Variants in NLGN4X observed in about 807,000 individuals in gnomAD.
The protein encoded by NLGN4X is neuroligin-4, X-linked.
NLGN4X carries 3 observed loss-of-function variants against 40.3 expected under a neutral mutation model. That is an observed-to-expected ratio of 0.07 (90% CI 0.03 to 0.19). The LOEUF is 0.19. NLGN4X is among the 10% of genes least tolerant of loss of function. NLGN4X has a pLI of 1.00. For synonymous variants in NLGN4X, 270 were observed against 306.8 expected, an observed-to-expected ratio of 0.88 and a Z score of 1.25; for missense variants, 382 against 708.3, an observed-to-expected ratio of 0.54 and a Z score of 5.23.
At position 6,065,267 on chromosome X, in the gene NLGN4X, A is replaced by T. The variant is rs369086417; in HGVS notation, c.473-35835T>A. Among the ~76,000 whole-genome samples the T allele has an allele frequency of 1.9e-3, 206 of 110,782 alleles. No individual in the cohort carries two copies. In the Middle Eastern group the frequency reaches 0.023, roughly 13 times the overall value. ...CACATGTACCCTCTGAACCTAAAAT[A>T]AAAATTGAAAAAGAAAAAATAGATA... On this transcript the variant is annotated intron_variant, in intron 2 of 5. Coordinates refer to ENST00000381095, the MANE Select transcript of NLGN4X (RefSeq NM_181332.3).
rs935677374 is a variant in NLGN4X at position 5,962,968 on chromosome X, T to C, written c.626-53729A>G. Among the ~76,000 whole-genome samples the C allele has an allele frequency of 4.2e-5, 4 of 95,688 alleles. No individual in the cohort carries two copies. The East Asian group carries it at 1.2e-3, about 28-fold the overall frequency. 83.1% of individuals were successfully genotyped at this position (95,688 alleles called of 115,157 possible). On this transcript the variant is annotated intron_variant, in intron 3 of 5. Transcript: ENST00000381095. ...ACCCCCAGACTATGGTATTTTGTTA[T>C]AGCAGTCTGAGTGGACTAAGACAGA...
At chrX:6,154,368 A>C (rs144679417) in intron 1 of NLGN4X, among the ~76,000 whole-genome samples, 2,336 of 112,075 alleles carry the variant, frequency 0.021, 67 homozygotes, top group African/African-American at 0.071. Context: ...AGTCATATTC[A>C]AAAAATTGGC....
chrX:6,026,655 G>A (rs1243575572), intron 3 of NLGN4X, among the ~76,000 whole-genome samples: 5 of 111,232 alleles, frequency 4.5e-5, no homozygotes, highest in Non-Finnish European at 9.4e-5. Context: ...AATGAAAGGG[G>A]GTCTGTAGTG....
At chrX:5,925,700 C>T (rs544028994) in intron 3 of NLGN4X, among the ~76,000 whole-genome samples, 4 of 104,319 alleles carry the variant, frequency 3.8e-5, no homozygotes, top group South Asian at 4.5e-4. Context: ...TAGGAAACAA[C>T]GCACCCAGGA....
At chrX:6,167,274 A>G (rs1311704942) in intron 1 of NLGN4X, among the ~76,000 whole-genome samples, 4 of 109,991 alleles carry the variant, frequency 3.6e-5, no homozygotes, top group Non-Finnish European at 5.7e-5. Flanking sequence ...TAATGAATAA[A>G]AAAACTCTAG....
chrX:6,111,621 G>A (rs757980801), intron 2 of NLGN4X, among the ~76,000 whole-genome samples: 4 of 111,194 alleles, frequency 3.6e-5, no homozygotes, highest in South Asian at 3.9e-4. Flanking sequence ...TGGCACACAC[G>A]TATGGTCCCA....
At chrX:6,084,961 A>G (rs1190126347) in intron 2 of NLGN4X, among the ~76,000 whole-genome samples, 1 of 110,484 alleles carries the variant, frequency 9.1e-6, no homozygotes, top group African/African-American at 3.3e-5. Flanking sequence ...AGCCAACAGT[A>G]AGATCTCAAG....
At chrX:6,065,075 G>T (rs1488514261) in intron 2 of NLGN4X, among the ~76,000 whole-genome samples, 1 of 110,509 alleles carries the variant, frequency 9.0e-6, no homozygotes, top group Non-Finnish European at 1.9e-5. Context: ...GGACGCACGG[G>T]CCCAAAAAGG....
At position 5,922,892 on chromosome X, in the gene NLGN4X, A is replaced by T. The variant is rs193159903; in HGVS notation, c.626-13653T>A. On this transcript the variant is annotated intron_variant, in intron 3 of 5. Coordinates refer to ENST00000381095, the MANE Select transcript of NLGN4X (RefSeq NM_181332.3). ...AAATAAATAAATAAAATAAAAAAAT[A>T]AAAAATTAAAAAACAAGAAAAACCA... Among the ~76,000 whole-genome samples the T allele has an allele frequency of 4.4e-3, 490 of 111,361 alleles. 5 individuals are homozygous for T. Among genetic ancestry groups the T allele is most frequent in the African/African-American group, 0.015 (457 of 30,699 alleles).
chrX:5,952,193 A>C (rs1182341470), intron 3 of NLGN4X, among the ~76,000 whole-genome samples: 3 of 111,538 alleles, frequency 2.7e-5, no homozygotes, highest in Non-Finnish European at 1.9e-5. Flanking sequence ...GGTGGAGAGG[A>C]GTTGAGATGT....
intron 3 of NLGN4X, among the ~76,000 whole-genome samples, chrX:5,918,665 T>C (rs1365009192): frequency 1.8e-5 from 2 of 112,555 alleles, no homozygotes; most frequent in African/African-American, 6.5e-5. Context: ...ACTATTTTTA[T>C]ATGTTCTAAC....
chrX:6,032,238 C>CCA (rs1491522515), intron 2 of NLGN4X, among the ~76,000 whole-genome samples: 9 of 48,204 alleles, frequency 1.9e-4, no homozygotes, highest in African/African-American at 6.9e-4. Flanking sequence ...CCCCCCCCCC[C>CCA]AAAAAAAATT....
chrX:6,107,076 G>C (rs1037956647), intron 2 of NLGN4X, among the ~76,000 whole-genome samples: 7 of 112,627 alleles, frequency 6.2e-5, no homozygotes, highest in African/African-American at 1.9e-4. Flanking sequence ...TGTGGACAAT[G>C]ATGAGCTTGA....
chrX:6,015,760 C>G lies in NLGN4X; in HGVS notation c.625+13520G>C, dbSNP rs765441470. ...CCGGCATCCTTATATTGTCTCCATA[C>G]AATGATGAGACAGCCACAAGGGACG... On this transcript the variant is annotated intron_variant, in intron 3 of 5. Coordinates refer to ENST00000381095, the MANE Select transcript of NLGN4X (RefSeq NM_181332.3). Among the ~76,000 whole-genome samples the G allele has an allele frequency of 2.7e-5, 3 of 111,980 alleles. No homozygotes were observed. The South Asian group carries it at 1.1e-3, about 42-fold the overall frequency.
intron 2 of NLGN4X, among the ~76,000 whole-genome samples, chrX:6,143,449 A>C (rs751505678): frequency 2.7e-5 from 3 of 112,367 alleles, no homozygotes; most frequent in Non-Finnish European, 5.6e-5. Flanking sequence ...TAGGAAAATA[A>C]GACATGTAAA....
Position 5,944,157 on chromosome X carries a change from A to C in NLGN4X, c.626-34918T>G, listed in dbSNP as rs1043107792. 3.6e-5 allele frequency among the ~76,000 whole-genome samples: 4 copies of C among 111,830 alleles called. No homozygotes were observed. In the Admixed American group the frequency reaches 3.8e-4, roughly 11 times the overall value. ...TTCCCTAACTTCTTGCAGAACTCAC[A>C]GACAGTAGTATTCTAAAATTCTTGA... On this transcript the variant is annotated intron_variant, in intron 3 of 5. Transcript: ENST00000381095.
chrX:5,900,483 C>A (rs958060318), intron 5 of NLGN4X, among the ~76,000 whole-genome samples: 3 of 108,924 alleles, frequency 2.8e-5, no homozygotes, highest in African/African-American at 1.0e-4. Flanking sequence ...CCTGCAAGCA[C>A]CTTCATTTGC....
At chrX:5,998,620 C>A (rs2035894940) in intron 3 of NLGN4X, among the ~76,000 whole-genome samples, 2 of 111,562 alleles carry the variant, frequency 1.8e-5, no homozygotes, top group South Asian at 7.5e-4. Context: ...TTCCCAGAAG[C>A]TCTGATGACT....
At chrX:6,060,547 T>A (rs1182852985) in intron 2 of NLGN4X, among the ~76,000 whole-genome samples, 2 of 111,867 alleles carry the variant, frequency 1.8e-5, no homozygotes, top group Non-Finnish European at 3.8e-5. Flanking sequence ...TGCCTGTATA[T>A]CATACTAAAT....
Sources: gnomAD v4.1 joint callset for allele counts (sites outside exome capture counted in the v4.1 genomes callset) on GRCh38, gnomAD v4.1.1 for gene constraint, MANE v1.5 for transcripts, NCBI Gene and HGNC (gene_info 2026-07-23, HGNC 2026-07-21) for gene names.